The following PLEKHA6 variants were observed in gnomAD, a reference collection of about 807,000 sequenced individuals.
The protein encoded by PLEKHA6 is pleckstrin homology domain-containing family A member 6.
Under a neutral mutation model 116.7 loss-of-function variants are expected in PLEKHA6, and 60 were observed. The ratio of observed to expected loss-of-function variants is 0.51; its 90% confidence interval spans 0.42 to 0.64. The LOEUF (loss-of-function observed/expected upper bound fraction) is 0.64, where lower values mean the gene tolerates loss of function less well. Among genes scored for constraint, PLEKHA6 ranks in the 30% least tolerant of loss-of-function variants. PLEKHA6 has a pLI of 0.00. For synonymous variants in PLEKHA6, 489 were observed against 556.1 expected, an observed-to-expected ratio of 0.88 and a Z score of 1.70; for missense variants, 1,338 against 1,422.7, an observed-to-expected ratio of 0.94 and a Z score of 0.96.
chr1:204,300,154 T>A (rs1014821236), intron 1 of PLEKHA6, among the ~76,000 whole-genome samples: 27 of 152,286 alleles, frequency 1.8e-4, no homozygotes, highest in African/African-American at 6.5e-4. Flanking sequence ...GCAGATTGAA[T>A]TAGTGCTTCC....
intron 5 of PLEKHA6, among the ~76,000 whole-genome samples, chr1:204,265,605 G>A (rs1666701881): frequency 1.3e-5 from 2 of 152,208 alleles, no homozygotes; most frequent in Non-Finnish European, 2.9e-5. Flanking sequence ...CGCTAAATGA[G>A]ACCATCCCAG....
At chr1:204,347,768 G>A (rs1344948338) in intron 1 of PLEKHA6, among the ~76,000 whole-genome samples, 3 of 152,052 alleles carry the variant, frequency 2.0e-5, no homozygotes, top group South Asian at 2.1e-4. Context: ...CTGACTTCCC[G>A]CAACAAAAGG....
At chr1:204,251,047 T>C (rs916735218) in intron 9 of PLEKHA6, among the ~76,000 whole-genome samples, 1 of 152,210 alleles carries the variant, frequency 6.6e-6, no homozygotes, top group Non-Finnish European at 1.5e-5. Flanking sequence ...ATTGCCCTAG[T>C]AGACTGAACA....
chr1:204,355,934 A>G (rs1303495524), intron 1 of PLEKHA6, among the ~76,000 whole-genome samples: 2 of 152,028 alleles, frequency 1.3e-5, no homozygotes, highest in Non-Finnish European at 2.9e-5. Flanking sequence ...ATAAATGAAA[A>G]CCATGAAAAA....
At chr1:204,301,230 G>C in intron 1 of PLEKHA6, 1 of 984,506 alleles carries the variant, frequency 1.0e-6, no homozygotes, top group South Asian at 4.7e-5. Flanking sequence ...TTTCAGCAGA[G>C]TCACCAGAGT....
intron 2 of PLEKHA6, chr1:204,368,506 T>C (rs2942138): frequency 0.67 from 101,501 of 152,088 alleles, 36,930 homozygotes; most frequent in East Asian, 0.86. Flanking sequence ...AATCACAGAA[T>C]CTCAGTGTGA....
chr1:204,249,104 G>T, intron 11 of PLEKHA6, 80 bp downstream of exon 11: 1 of 1,476,160 alleles, frequency 6.8e-7, no homozygotes, highest in Non-Finnish European at 9.4e-7. Flanking sequence ...TCTCAGTCAG[G>T]TTGGAGACAG....
At chr1:204,323,367 C>T (rs1329303086) in intron 1 of PLEKHA6, among the ~76,000 whole-genome samples, 1 of 152,204 alleles carries the variant, frequency 6.6e-6, no homozygotes, top group Non-Finnish European at 1.5e-5. Flanking sequence ...CACTGAGGCT[C>T]AGAAAAGATG....
chr1:204,224,884 C>A (rs1660123233), intron 21 of PLEKHA6, among the ~76,000 whole-genome samples: 1 of 152,178 alleles, frequency 6.6e-6, no homozygotes, highest in African/African-American at 2.4e-5. Context: ...GCCAAGAAAC[C>A]AAAAACGAAG....
rs139418363 is a variant in PLEKHA6, at chr1:204,339,243, G to A, written c.-95+20451C>T. On this transcript the variant is annotated intron_variant, in intron 1 of 22. Transcript: ENST00000272203. ...AGCCTCCCTGGCAGCCCAGCCAGTC[G>A]AGCCTTCAGAGGATGGCCACGGCCG... 5.3e-3 allele frequency among the ~76,000 whole-genome samples: 803 copies of A among 152,316 alleles called. 11 individuals are homozygous for A. Among genetic ancestry groups the A allele is most frequent in the Middle Eastern group, 0.02 (6 of 294 alleles).
At chr1:204,371,395 T>C (rs960355549) in intron 2 of PLEKHA6, 1 of 152,242 alleles carries the variant, frequency 6.6e-6, no homozygotes, top group Non-Finnish European at 1.5e-5. Flanking sequence ...TGGCAGGCAG[T>C]CCAAATGCTA....
At chr1:204,355,779 G>C (rs1199891467) in intron 1 of PLEKHA6, among the ~76,000 whole-genome samples, 1 of 152,118 alleles carries the variant, frequency 6.6e-6, no homozygotes, top group Non-Finnish European at 1.5e-5. Context: ...TGCCTTTTAA[G>C]AAAAGCCAAA....
chr1:204,321,854 C>T (rs1672074542), intron 1 of PLEKHA6, among the ~76,000 whole-genome samples: 1 of 152,238 alleles, frequency 6.6e-6, no homozygotes, highest in African/African-American at 2.4e-5. Flanking sequence ...CGGCTGGCCC[C>T]AGTGCTTAAG....
At position 204,228,157 on chromosome 1, in the gene PLEKHA6, T is replaced by C. The variant is rs753029448; in HGVS notation, c.2957A>G (p.Gln986Arg). The C allele has an allele frequency of 2.5e-6, 4 of 1,613,358 alleles. No homozygotes were observed. In the South Asian group the frequency reaches 4.4e-5, roughly 18 times the overall value. The change falls in exon 21 of 23, where the codon CAG becomes CGG. Residue 986 changes from glutamine (Q) to arginine (R), a missense_variant. Gln to Arg is a conservative substitution (Grantham distance 43, BLOSUM62 1). Around this residue, in one of 3 missense-constraint regions of PLEKHA6, gnomAD observed 1,136 missense variants for 1,163.6 expected, o/e 0.98. Coordinates refer to ENST00000272203, the MANE Select transcript of PLEKHA6 (RefSeq NM_014935.5). The surrounding 1 kb of genome is among the most constrained non-coding windows in gnomAD (Gnocchi z 4.0). ...GATTTCAATCCGCTTCTCCTGCTCC[T>C]GCAGCTGGCTCTCTGAGTCCTGGGG... The part of the protein sequence containing the change: ...DVPQDSESQL[Q>R]EQEKRIEISC...
chr1:204,357,590 G>A (rs1673450378), intron 1 of PLEKHA6, among the ~76,000 whole-genome samples: 1 of 152,230 alleles, frequency 6.6e-6, no homozygotes, highest in South Asian at 2.1e-4. Flanking sequence ...TGCGAATCCT[G>A]CAGCTCTTTT....
chr1:204,245,721 C>T lies in PLEKHA6; in HGVS notation c.1926G>A (p.Glu642=). ...WEQLNLDTQN[E]VLNRQIQKEI... ...CCTTTTGGATTTGCCGGTTCAGCAC[C>T]TCATTCTGAAGCAGCCACACAGTGA... Residue 642 remains glutamate, a synonymous_variant, in exon 14 of 23, where the codon GAG becomes GAA. Coordinates refer to ENST00000272203, the MANE Select transcript of PLEKHA6 (RefSeq NM_014935.5). 1.2e-6 allele frequency: 2 copies of T among 1,608,730 alleles called. No individual in the cohort carries two copies. Among genetic ancestry groups the T allele is most frequent in the Non-Finnish European group, 1.7e-6 (2 of 1,175,932 alleles).
intron 1 of PLEKHA6, chr1:204,301,401 T>C: frequency 1.0e-6 from 1 of 984,842 alleles, no homozygotes; most frequent in Non-Finnish European, 1.2e-6. Flanking sequence ...TACAGCAATC[T>C]GCTGCATTTC....
At position 204,257,248 on chromosome 1, in the gene PLEKHA6, C is replaced by T. The variant is rs1392515273; in HGVS notation, c.1524+105G>A. ...GTCCTGCAGACAAACGGCCCAGTGG[C>T]CCCGTGGCACAGATGCTCCCACATC... On this transcript the variant is annotated intron_variant, in intron 9 of 22. Transcript: ENST00000272203. This position sits in a 1 kb window ranked among gnomAD's most constrained non-coding sequence, Gnocchi z 6.5. 3 of 1,110,542 alleles carry T rather than the reference C, an allele frequency of 2.7e-6. No individual in the cohort carries two copies. The highest frequency in any genetic ancestry group is 2.6e-5 in the East Asian group (1 of 38,860). 68.8% of individuals were successfully genotyped at this position (1,110,542 alleles called of 1,614,324 possible). A position where few individuals can be genotyped will look rare whatever the true frequency, so the allele number is the denominator to read the frequency against.
At chr1:204,375,307 T>G (rs538564050) in intron 1 of PLEKHA6, among the ~76,000 whole-genome samples, 1 of 152,136 alleles carries the variant, frequency 6.6e-6, no homozygotes, top group Admixed American at 6.5e-5. Flanking sequence ...GAACCTCAAC[T>G]GCAGTGTTTC....
Sources: allele counts gnomAD v4.1 joint callset (sites outside exome capture counted in the v4.1 genomes callset), GRCh38; gene constraint gnomAD v4.1.1; regional missense constraint gnomAD v4.1.1; non-coding constraint Gnocchi (gnomAD v3.1); transcripts MANE v1.5; gene names NCBI Gene and HGNC (gene_info 2026-07-23, HGNC 2026-07-21).